The following ACVR2B variants were observed in gnomAD, a reference collection of about 807,000 sequenced individuals.
ACVR2B encodes activin A receptor type 2B, also known as activin receptor type-2B.
A neutral mutation model predicts 65.1 loss-of-function variants in ACVR2B; 18 were observed. The observed-to-expected ratio is 0.28, with a 90% CI of 0.19 to 0.41. The LOEUF (loss-of-function observed/expected upper bound fraction) is 0.41, where lower values mean the gene tolerates loss of function less well. ACVR2B is among the 10% of genes least tolerant of loss of function. The pLI, the probability that ACVR2B is intolerant of heterozygous loss-of-function variation, is 1.00. For synonymous variants in ACVR2B, 298 were observed against 277.7 expected, an observed-to-expected ratio of 1.07 and a Z score of -0.73; for missense variants, 482 against 682.7, an observed-to-expected ratio of 0.71 and a Z score of 3.28.
chr3:38,465,484 A>C (rs1391756814), intron 1 of ACVR2B, among the ~76,000 whole-genome samples: 1 of 152,156 alleles, frequency 6.6e-6, no homozygotes, highest in Non-Finnish European at 1.5e-5. Flanking sequence ...AAAACTATAA[A>C]CCAAAGGAAA....
At chr3:38,472,518 G>A (rs1709835121) in intron 1 of ACVR2B, among the ~76,000 whole-genome samples, 1 of 152,098 alleles carries the variant, frequency 6.6e-6, no homozygotes, top group Admixed American at 6.5e-5. Flanking sequence ...CTAGATAGAT[G>A]TAGTGGTGAG....
intron 8 of ACVR2B, 59 bp from the exon 9 acceptor site, chr3:38,482,139 C>G: frequency 6.2e-7 from 1 of 1,611,342 alleles, no homozygotes; most frequent in East Asian, 2.2e-5. Context: ...ACTCCCATGT[C>G]CCAGCTGTGT....
chr3:38,476,008 G>GAACC (rs1709901770), intron 1 of ACVR2B: 1 of 152,382 alleles, frequency 6.6e-6, no homozygotes, highest in Non-Finnish European at 1.5e-5. Context: ...CCTCTCGGGT[G>GAACC]TCTGTGTGGG....
Position 38,492,368 on chromosome 3 carries a change from C to T in ACVR2B, c.*9036C>T, listed in dbSNP as rs767158441. The T allele has an allele frequency of 2.6e-5, 4 of 152,546 alleles. No individual in the cohort carries two copies. The highest frequency in any genetic ancestry group is 4.4e-5 in the Non-Finnish European group (3 of 68,026). The allele number at this position is 152,546 out of a possible 1,614,324, so 9.4% of individuals were successfully genotyped here. A position where few individuals can be genotyped will look rare whatever the true frequency, so the allele number is the denominator to read the frequency against. On this transcript the variant is annotated 3_prime_UTR_variant, in exon 11 of 11. Coordinates refer to ENST00000352511, the MANE Select transcript of ACVR2B (RefSeq NM_001106.4). Reference sequence around the variant, plus strand: ...ATTGTAATTAAAAGTTTGGGTTCACCTGTTTCTCACAGTTTAAAATGATGA... The same window carrying T: ...ATTGTAATTAAAAGTTTGGGTTCACTTGTTTCTCACAGTTTAAAATGATGA...
chr3:38,455,365 G>A (rs1258963802), intron 1 of ACVR2B, among the ~76,000 whole-genome samples: 1 of 152,154 alleles, frequency 6.6e-6, no homozygotes, highest in Non-Finnish European at 1.5e-5. Flanking sequence ...GTACCCGGCC[G>A]CCGGGTCCTG....
chr3:38,491,194 A>C lies in ACVR2B; in HGVS notation c.*7862A>C, dbSNP rs1365902786. 1.3e-5 allele frequency: 2 copies of C among 152,414 alleles called. No homozygotes were observed. Among genetic ancestry groups the C allele is most frequent in the African/African-American group, 4.8e-5 (2 of 41,466 alleles). The allele number at this position is 152,414 out of a possible 1,614,324, so 9.4% of individuals were successfully genotyped here. On this transcript the variant is annotated 3_prime_UTR_variant, in exon 11 of 11. Transcript: ENST00000352511. ...AAATAAATATATATATTTTTTAAAGAGCCTTTTTTACCAGTTCAAAAAGTT... is the reference window on the plus strand; with the variant it reads ...AAATAAATATATATATTTTTTAAAGCGCCTTTTTTACCAGTTCAAAAAGTT...
intron 1 of ACVR2B, chr3:38,473,994 G>A (rs997439910): frequency 2.6e-5 from 4 of 152,416 alleles, no homozygotes; most frequent in Admixed American, 2.6e-4. Context: ...TGATTCTCCT[G>A]CCTCAGCCTC....
At chr3:38,467,452 A>G (rs1009198055) in intron 1 of ACVR2B, among the ~76,000 whole-genome samples, 1 of 152,068 alleles carries the variant, frequency 6.6e-6, no homozygotes, top group Non-Finnish European at 1.5e-5. Flanking sequence ...TCAAAAAAAA[A>G]AAAAAGGCAG....
rs1710102224 is a variant in ACVR2B at position 38,485,477 on chromosome 3, CA to C, written c.*2146del. ...GTGAGGGGCACTGCACATGCCTGGG[CA>C]TCTACCTAGTGTGCTATGTTCAGTG... On this transcript the variant is annotated 3_prime_UTR_variant, in exon 11 of 11. Coordinates refer to ENST00000352511, the MANE Select transcript of ACVR2B (RefSeq NM_001106.4). 6.6e-6 allele frequency: 1 copy of C among 152,148 alleles called. No individual in the cohort carries two copies. Among genetic ancestry groups the C allele is most frequent in the South Asian group, 2.1e-4 (1 of 4,822 alleles). 9.4% of individuals were successfully genotyped at this position (152,148 alleles called of 1,614,324 possible).
rs1559662930 is a variant in ACVR2B at position 38,492,789 on chromosome 3, CACACACACACACACATACA to C, written c.*9458_*9476del. The stretch of plus-strand genomic sequence containing the variant: ...ACACACACACACACACACACACACA[CACACACACACACACATACA>C]CCTAAAATGGCCTAAAGCAGACATC... On this transcript the variant is annotated 3_prime_UTR_variant, in exon 11 of 11. Transcript: ENST00000352511. 1.8e-4 allele frequency: 10 copies of C among 55,276 alleles called. No individual in the cohort carries two copies. Among genetic ancestry groups the C allele is most frequent in the East Asian group, 6.5e-4 (1 of 1,548 alleles). The allele number at this position is 55,276 out of a possible 1,614,324, so 3.4% of individuals were successfully genotyped here. A position where few individuals can be genotyped will look rare whatever the true frequency, so the allele number is the denominator to read the frequency against.
In ACVR2B at chr3:38,485,151, A is replaced by G. The variant is rs1710092743; in HGVS notation, c.*1819A>G. On this transcript the variant is annotated 3_prime_UTR_variant, in exon 11 of 11. Transcript: ENST00000352511. ...TGGGGAGAGGTTGACCTGGGTGAGA[A>G]CTGAAGAGGCCGCCTCCTCTTGGGT... The G allele has an allele frequency of 6.6e-6, 1 of 152,204 alleles. No individual in the cohort carries two copies. The highest frequency in any genetic ancestry group is 2.4e-5 in the African/African-American group (1 of 41,442). The allele number at this position is 152,204 out of a possible 1,614,324, so 9.4% of individuals were successfully genotyped here.
chr3:38,456,755 G>A (rs754672620), intron 1 of ACVR2B, among the ~76,000 whole-genome samples: 10 of 152,078 alleles, frequency 6.6e-5, no homozygotes, highest in Non-Finnish European at 1.0e-4. Context: ...TGTGAATCCT[G>A]TTCTCATTAC....
intron 6 of ACVR2B, 115 bp downstream of exon 6, chr3:38,479,386 C>A: frequency 1.3e-6 from 2 of 1,483,926 alleles, no homozygotes; most frequent in Admixed American, 1.7e-5. Flanking sequence ...GTACTCTGCC[C>A]CGGTAGCACT....
At chr3:38,462,434 C>T (rs1398122254) in intron 1 of ACVR2B, among the ~76,000 whole-genome samples, 3 of 152,150 alleles carry the variant, frequency 2.0e-5, no homozygotes, top group African/African-American at 7.2e-5. Context: ...TGTTTTGTTC[C>T]ATTTCAGTCT....
At position 38,478,494 on chromosome 3, in the gene ACVR2B, A is replaced by G. The variant is rs376910764; in HGVS notation, c.642A>G (p.Val214=). The stretch of plus-strand genomic sequence containing the variant: ...AGGCCCAGCTCATGAATGACTTTGT[A>G]GCTGTCAAGATCTTCCCACTCCAGG... ...VWKAQLMNDF[V]AVKIFPLQDK... Residue 214 remains valine, a synonymous_variant, in exon 5 of 11, where the codon GTA becomes GTG. Transcript: ENST00000352511. The G allele has an allele frequency of 6.2e-6, 10 of 1,614,070 alleles. No individual in the cohort carries two copies. Among genetic ancestry groups the G allele is most frequent in the South Asian group, 3.3e-5 (3 of 91,076 alleles).
rs1307727818 is a variant in ACVR2B, at chr3:38,491,659, C to T, written c.*8327C>T. 6 of 152,098 alleles carry T rather than the reference C, an allele frequency of 3.9e-5. No homozygotes were observed. Among genetic ancestry groups the T allele is most frequent in the Admixed American group, 2.0e-4 (3 of 15,262 alleles). 9.4% of individuals were successfully genotyped at this position (152,098 alleles called of 1,614,324 possible). ...AAGTGTCCAAGTCATCATGAAAGGC[C>T]GACTGGGAGCAAGTGATTATTAGAG... On this transcript the variant is annotated 3_prime_UTR_variant, in exon 11 of 11. Coordinates refer to ENST00000352511, the MANE Select transcript of ACVR2B (RefSeq NM_001106.4).
chr3:38,472,976 T>C (rs1352406423), intron 1 of ACVR2B, among the ~76,000 whole-genome samples: 1 of 152,204 alleles, frequency 6.6e-6, no homozygotes, highest in Non-Finnish European at 1.5e-5. Flanking sequence ...GCTTAGGTTC[T>C]GCTACCAGGA....
At chr3:38,455,713 C>T (rs75999951) in intron 1 of ACVR2B, among the ~76,000 whole-genome samples, 3,638 of 152,334 alleles carry the variant, frequency 0.024, 150 homozygotes, top group East Asian at 0.16. Context: ...GGCGTTGCAG[C>T]TCTCCTGGAG....
chr3:38,471,309 G>C (rs151103520), intron 1 of ACVR2B, among the ~76,000 whole-genome samples: 369 of 152,344 alleles, frequency 2.4e-3, no homozygotes, highest in African/African-American at 8.8e-3. Flanking sequence ...AAGATGATCA[G>C]TCTCACAAGT....
Sources: gnomAD v4.1 joint callset for allele counts (sites outside exome capture counted in the v4.1 genomes callset) on GRCh38, gnomAD v4.1.1 for gene constraint, MANE v1.5 for transcripts, NCBI Gene and HGNC (gene_info 2026-07-23, HGNC 2026-07-21) for gene names.